TEX11: variants seen among roughly 807,000 people sequenced by gnomAD.
The protein encoded by TEX11 is testis-expressed protein 11.
TEX11 carries 7 observed loss-of-function variants against 84.4 expected under a neutral mutation model. The observed-to-expected ratio is 0.08, with a 90% CI of 0.05 to 0.16. The LOEUF (loss-of-function observed/expected upper bound fraction) is 0.16. Among genes scored for constraint, TEX11 ranks in the 10% least tolerant of loss-of-function variants. TEX11 has a pLI of 1.00. For synonymous variants in TEX11, 264 were observed against 222.8 expected, an observed-to-expected ratio of 1.18 and a Z score of -1.64; for missense variants, 551 against 660.5, an observed-to-expected ratio of 0.83 and a Z score of 1.82.
chrX:70,724,400 G>T, intron 12 of TEX11: 1 of 130,580 alleles, frequency 7.7e-6, no homozygotes, highest in Non-Finnish European at 1.4e-5. Context: ...CTAAATTTAG[G>T]GCTACTGCCA....
At position 70,774,894 on chromosome X, in the gene TEX11, A is replaced by AAAC. The variant is rs375430364; in HGVS notation, c.693-30678_693-30676dup. Among the ~76,000 whole-genome samples, 956 of 111,471 alleles carry AAAC rather than the reference A, an allele frequency of 8.6e-3. 8 individuals are homozygous for AAAC. The highest frequency in any genetic ancestry group is 0.028 in the African/African-American group (876 of 30,738). On this transcript the variant is annotated intron_variant, in intron 9 of 29. Transcript: ENST00000374333. ...GAATAGCCAAAGCAATCCTGAGCAA[A>AAAC]AACAACAACAACAACAACAAACAAA...
intron 9 of TEX11, among the ~76,000 whole-genome samples, chrX:70,783,147 C>T (rs556171849): frequency 1.8e-5 from 2 of 111,998 alleles, no homozygotes; most frequent in African/African-American, 6.5e-5. Flanking sequence ...GACCACAGTG[C>T]AATCAAATTA....
intron 5 of TEX11, among the ~76,000 whole-genome samples, chrX:70,859,807 G>A (rs2091559566): frequency 1.8e-5 from 2 of 110,489 alleles, no homozygotes; most frequent in Admixed American, 9.8e-5. Flanking sequence ...CCTGAGATCA[G>A]GAGTTCAAGA....
At chrX:70,593,572 CACAGAATTCA>C (rs747726946) in intron 24 of TEX11, among the ~76,000 whole-genome samples, 1 of 111,822 alleles carries the variant, frequency 8.9e-6, no homozygotes, top group South Asian at 3.7e-4. Flanking sequence ...ACTTAATAGA[CACAGAATTCA>C]AAGCAGCTAT....
At chrX:70,650,387 T>A (rs1768241599) in intron 17 of TEX11, among the ~76,000 whole-genome samples, 2 of 111,685 alleles carry the variant, frequency 1.8e-5, no homozygotes, top group Admixed American at 1.9e-4. Context: ...TAAAATAATT[T>A]TTAAAAAATA....
chrX:70,823,590 C>G, intron 8 of TEX11, among the ~76,000 whole-genome samples: 1 of 110,973 alleles, frequency 9.0e-6, no homozygotes, highest in Admixed American at 9.6e-5. Flanking sequence ...AAGTTCAGGC[C>G]GGAAACTGAA....
At position 70,842,855 on chromosome X, in the gene TEX11, A is replaced by G. The variant is rs760601514; in HGVS notation, c.526-9262T>C. On this transcript the variant is annotated intron_variant, in intron 7 of 29. Coordinates refer to ENST00000374333, the MANE Select transcript of TEX11 (RefSeq NM_031276.3). ...CACCAATAACAGACAACAGAGCCAAATCATGAGTGAACTCCCATTCACAAT... is the reference window on the plus strand; with the variant it reads ...CACCAATAACAGACAACAGAGCCAAGTCATGAGTGAACTCCCATTCACAAT... 2.1e-4 allele frequency among the ~76,000 whole-genome samples: 23 copies of G among 111,716 alleles called. 1 individual carries two copies. The highest frequency in any genetic ancestry group is 1.7e-3 in the Admixed American group (18 of 10,449).
chrX:70,900,984 G>A (rs1430369684), intron 2 of TEX11, among the ~76,000 whole-genome samples: 1 of 111,551 alleles, frequency 9.0e-6, no homozygotes, highest in Non-Finnish European at 1.9e-5. Flanking sequence ...AAGGCCAGTA[G>A]GCAGGCAGAT....
intron 5 of TEX11, among the ~76,000 whole-genome samples, chrX:70,855,347 C>G: frequency 9.1e-6 from 1 of 109,799 alleles, no homozygotes; most frequent in Non-Finnish European, 1.9e-5. Context: ...GGTGGAAAGC[C>G]TGAGCTCAGT....
chrX:70,690,803 T>C (rs1317122951), intron 13 of TEX11, among the ~76,000 whole-genome samples: 1 of 110,946 alleles, frequency 9.0e-6, no homozygotes, highest in Non-Finnish European at 1.9e-5. Context: ...TTACAAATAA[T>C]GTAAATGGTC....
chrX:70,719,067 T>G (rs751960730), intron 13 of TEX11, among the ~76,000 whole-genome samples: 1 of 111,549 alleles, frequency 9.0e-6, no homozygotes, highest in African/African-American at 3.3e-5. Flanking sequence ...CTAAGCCCCC[T>G]AATCTACAAG....
chrX:70,568,297 G>A (rs897081399), intron 25 of TEX11, among the ~76,000 whole-genome samples: 1 of 110,540 alleles, frequency 9.0e-6, no homozygotes, highest in African/African-American at 3.3e-5. Context: ...GCCTATGTGT[G>A]TCTCTGCATG....
At chrX:70,538,561 A>T (rs898220289) in intron 28 of TEX11, among the ~76,000 whole-genome samples, 2 of 110,766 alleles carry the variant, frequency 1.8e-5, no homozygotes, top group Non-Finnish European at 3.8e-5. Context: ...AGGACATGGC[A>T]GGAGGATTGC....
intron 7 of TEX11, among the ~76,000 whole-genome samples, chrX:70,850,096 GCCAAAATCTGTCTTCCTAT>G (rs2091499676): frequency 9.0e-6 from 1 of 111,707 alleles, no homozygotes; most frequent in East Asian, 2.8e-4. Context: ...CTTATATTAA[GCCAAAATCTGTCTTCCTAT>G]AATTTCTACC....
rs191926441 is a variant in TEX11, at chrX:70,632,288, G to T, written c.1484-2553C>A. On this transcript the variant is annotated intron_variant, in intron 17 of 29. Coordinates refer to ENST00000374333, the MANE Select transcript of TEX11 (RefSeq NM_031276.3). ...GAAATAAGAAGAAGTAGAGCAAATGGAACTCAAAGAAAGCAGAAGAATGGA... is the reference window on the plus strand; with the variant it reads ...GAAATAAGAAGAAGTAGAGCAAATGTAACTCAAAGAAAGCAGAAGAATGGA... 3.6e-5 allele frequency among the ~76,000 whole-genome samples: 4 copies of T among 111,272 alleles called. No individual in the cohort carries two copies. The East Asian group carries it at 1.1e-3, about 31-fold the overall frequency.
chrX:70,695,922 G>A (rs2090276106), intron 13 of TEX11, among the ~76,000 whole-genome samples: 1 of 111,330 alleles, frequency 9.0e-6, no homozygotes, highest in South Asian at 3.8e-4. Flanking sequence ...AGAAATATGG[G>A]GTACATAATT....
intron 17 of TEX11, among the ~76,000 whole-genome samples, chrX:70,634,923 G>C (rs994395417): frequency 1.3e-4 from 14 of 111,940 alleles, no homozygotes; most frequent in African/African-American, 4.5e-4. Flanking sequence ...GGACTATGTC[G>C]AAATTTAAAA....
intron 9 of TEX11, among the ~76,000 whole-genome samples, chrX:70,746,909 G>T (rs2147751692): frequency 8.9e-6 from 1 of 112,022 alleles, no homozygotes; most frequent in South Asian, 3.7e-4. Flanking sequence ...GAAAGTGTTG[G>T]GGCAAACTGA....
chrX:70,813,705 G>A (rs1245659368), intron 8 of TEX11, among the ~76,000 whole-genome samples: 3 of 111,510 alleles, frequency 2.7e-5, no homozygotes, highest in African/African-American at 6.5e-5. Flanking sequence ...AAACCCCATC[G>A]TCTCAGCCCA....
Sources: allele counts gnomAD v4.1 joint callset (sites outside exome capture counted in the v4.1 genomes callset), GRCh38; gene constraint gnomAD v4.1.1; transcripts MANE v1.5; gene names NCBI Gene and HGNC (gene_info 2026-07-23, HGNC 2026-07-21).